SLIT3: variants seen among roughly 807,000 people sequenced by gnomAD.
The protein encoded by SLIT3 is slit guidance ligand 3.
A neutral mutation model predicts 184.0 loss-of-function variants in SLIT3; 68 were observed. The observed-to-expected ratio is 0.37, with a 90% confidence interval of 0.30 to 0.45. SLIT3 has a LOEUF of 0.45. Ranked by LOEUF, SLIT3 falls within the 20% of genes least tolerant of loss-of-function variation. The probability of loss-of-function intolerance (pLI) is 1.00; values close to 1 mark genes in which losing one functional copy is unlikely to be tolerated. For synonymous variants in SLIT3, 831 were observed against 828.6 expected (o/e 1.00, Z -0.05); for missense variants, 1,707 against 2,026.0 (o/e 0.84, Z 3.02).
intron 6 of SLIT3, among the ~76,000 whole-genome samples, chr5:168,841,902 C>T (rs563878467): frequency 6.6e-5 from 10 of 152,292 alleles, no homozygotes; most frequent in Admixed American, 6.5e-4. Context: ...TCTTAATTTG[C>T]AGACTTTTAA....
chr5:168,876,977 C>T (rs913237976), intron 5 of SLIT3, among the ~76,000 whole-genome samples: 7 of 152,144 alleles, frequency 4.6e-5, no homozygotes, highest in African/African-American at 1.7e-4. Context: ...AACGGGCCAT[C>T]GGCAAACACC....
intron 4 of SLIT3, among the ~76,000 whole-genome samples, chr5:169,115,390 G>T (rs558181922): frequency 6.6e-6 from 1 of 152,130 alleles, no homozygotes; most frequent in Admixed American, 6.5e-5. Flanking sequence ...GAGTTCCATG[G>T]TTTTCTCATT....
In SLIT3 at chr5:168,712,299, T is replaced by G; in HGVS notation, c.2539A>C (p.Thr847Pro). The G allele has an allele frequency of 1.2e-6, 2 of 1,613,986 alleles. No homozygotes were observed. The highest frequency in any genetic ancestry group is 1.7e-6 in the Non-Finnish European group (2 of 1,179,846). The change falls in exon 24 of 36, where the codon ACA becomes CCA. Residue 847 changes from threonine to proline, a missense_variant. Thr to Pro is a conservative substitution (Grantham distance 38). Coordinates refer to ENST00000519560, the MANE Select transcript of SLIT3 (RefSeq NM_003062.4). ...GCTACTTACAGATGGGAAAGAGATG[T>G]GAGGTCGTTGAAGGAGCCTTCAGGA... ...SVPEGSFNDL[T>P]SLSHLALGTN... is the part of the protein sequence containing the mutation.
intron 7 of SLIT3, among the ~76,000 whole-genome samples, chr5:168,818,437 G>A (rs1561949896): frequency 6.6e-6 from 1 of 152,104 alleles, no homozygotes; most frequent in Admixed American, 6.5e-5. Context: ...GGCAAACTAC[G>A]GATATTCCAG....
chr5:169,295,670 T>C (rs1488263624), intron 1 of SLIT3, among the ~76,000 whole-genome samples: 2 of 152,222 alleles, frequency 1.3e-5, no homozygotes, highest in East Asian at 1.9e-4. Context: ...ATAGCCCACA[T>C]TGCCAAGGCA....
intron 5 of SLIT3, among the ~76,000 whole-genome samples, chr5:168,861,465 T>C (rs1447124262): frequency 7.3e-6 from 1 of 136,380 alleles, no homozygotes; most frequent in African/African-American, 2.7e-5. Context: ...CTGGCTGCAG[T>C]AGAGGAATTG....
At position 169,300,782 on chromosome 5, in the gene SLIT3, G is replaced by C. The variant is rs1341972786; in HGVS notation, c.-73C>G. 1.6e-6 allele frequency: 2 copies of C among 1,239,460 alleles called. No homozygotes were observed. Among genetic ancestry groups the C allele is most frequent in the Non-Finnish European group, 2.0e-6 (2 of 993,130 alleles). 76.8% of individuals were successfully genotyped at this position (1,239,460 alleles called of 1,614,324 possible). A position where few individuals can be genotyped will look rare whatever the true frequency, so the allele number is the denominator to read the frequency against. On this transcript the variant is annotated 5_prime_UTR_variant, in exon 1 of 36. Transcript: ENST00000519560. This position sits in a 1 kb window ranked among gnomAD's most constrained non-coding sequence, Gnocchi z 4.1. ...ACGCGTGGAGCCCGAGGAGGCGCGC[G>C]GGGAGCGCGGGCGGCCTGGGGAGCG...
At chr5:168,754,300 T>C (rs936957686) in intron 16 of SLIT3, among the ~76,000 whole-genome samples, 1 of 152,150 alleles carries the variant, frequency 6.6e-6, no homozygotes. Flanking sequence ...TGGAAGACTA[T>C]TTGGCCATAA....
In SLIT3 at chr5:169,060,792, A is replaced by C. The variant is rs1425258556; in HGVS notation, c.413+132687T>G. ...TTGGGCTGAGTGGAGCAGTGTCCAT[A>C]CCGGGTCTGAGTCCACTTGAAGCTG... On this transcript the variant is annotated intron_variant, in intron 4 of 35. Transcript: ENST00000519560. Among the ~76,000 whole-genome samples the C allele has an allele frequency of 2.0e-5, 3 of 152,202 alleles. 1 individual carries two copies. The highest frequency in any genetic ancestry group is 2.0e-4 in the Admixed American group (3 of 15,284).
In SLIT3 at chr5:169,300,528, C is replaced by T. The variant is rs1767648537; in HGVS notation, c.182G>A (p.Arg61His). Residue 61 changes from arginine (R) to histidine (H), a missense_variant, in exon 1 of 36, where the codon CGC becomes CAC. Arg to His is a conservative substitution (Grantham distance 29, BLOSUM62 0). Transcript: ENST00000519560. The surrounding 1 kb of genome is among the most constrained non-coding windows in gnomAD (Gnocchi z 4.1). ...GLRAVPRGIPRNAERLDLDRN... is the reference protein window; with the variant it reads ...GLRAVPRGIPHNAERLDLDRN... ...GGGTACTCACAGGCGCTCAGCGTTGCGGGGGATGCCCCGAGGAACCGCGCG... is the reference window on the plus strand; with the variant it reads ...GGGTACTCACAGGCGCTCAGCGTTGTGGGGGATGCCCCGAGGAACCGCGCG... The T allele has an allele frequency of 2.0e-6, 3 of 1,505,834 alleles. No individual in the cohort carries two copies. Among genetic ancestry groups the T allele is most frequent in the South Asian group, 1.2e-5 (1 of 80,710 alleles). The allele number at this position is 1,505,834 out of a possible 1,614,324, so 93.3% of individuals were successfully genotyped here.
intron 4 of SLIT3, among the ~76,000 whole-genome samples, chr5:169,130,056 C>T (rs1319068306): frequency 2.0e-5 from 3 of 152,106 alleles, no homozygotes; most frequent in African/African-American, 4.8e-5. Context: ...ACCATTTTGG[C>T]GAGGCTGGTC....
intron 4 of SLIT3, among the ~76,000 whole-genome samples, chr5:168,984,402 T>C (rs1441853918): frequency 6.6e-6 from 1 of 152,156 alleles, no homozygotes; most frequent in Non-Finnish European, 1.5e-5. Flanking sequence ...CCCATCTGAA[T>C]TGCCCAAATT....
chr5:168,788,995 C>G (rs527794801), intron 11 of SLIT3, among the ~76,000 whole-genome samples: 2 of 152,168 alleles, frequency 1.3e-5, no homozygotes, highest in South Asian at 4.2e-4. Context: ...TTCCTGCCGG[C>G]AGGGGTCTTG....
chr5:169,140,491 A>G (rs1761688197), intron 4 of SLIT3, among the ~76,000 whole-genome samples: 1 of 116,138 alleles, frequency 8.6e-6, no homozygotes, highest in South Asian at 2.6e-4. Context: ...AAAAAAAAAA[A>G]AAAAAAAAAA....
intron 4 of SLIT3, among the ~76,000 whole-genome samples, chr5:169,140,678 T>C (rs1487728447): frequency 1.3e-5 from 2 of 151,976 alleles, no homozygotes; most frequent in African/African-American, 4.8e-5. Flanking sequence ...GCTGTGTGCC[T>C]GTAGCCCCAA....
intron 4 of SLIT3, among the ~76,000 whole-genome samples, chr5:168,984,191 AC>A (rs2113365539): frequency 6.6e-6 from 1 of 152,326 alleles, no homozygotes; most frequent in Admixed American, 6.5e-5. Context: ...TAATGATAGA[AC>A]TTTAGAAATT....
chr5:169,041,842 G>T (rs1327516548), intron 4 of SLIT3, among the ~76,000 whole-genome samples: 1 of 152,152 alleles, frequency 6.6e-6, no homozygotes, highest in Non-Finnish European at 1.5e-5. Flanking sequence ...TGTTAGACAA[G>T]ACCCTATTTC....
chr5:169,136,120 C>G (rs1326026140), intron 4 of SLIT3, among the ~76,000 whole-genome samples: 1 of 152,162 alleles, frequency 6.6e-6, no homozygotes, highest in Non-Finnish European at 1.5e-5. Context: ...CAAATAGGAG[C>G]TAGACTGGAC....
intron 1 of SLIT3, among the ~76,000 whole-genome samples, chr5:169,265,549 G>C (rs1362584654): frequency 6.6e-6 from 1 of 152,130 alleles, no homozygotes; most frequent in Non-Finnish European, 1.5e-5. Context: ...GCCAAACATA[G>C]CGCTTAAGGT....
Sources: allele counts gnomAD v4.1 joint callset (sites outside exome capture counted in the v4.1 genomes callset), GRCh38; gene constraint gnomAD v4.1.1; non-coding constraint Gnocchi (gnomAD v3.1); transcripts MANE v1.5; gene names NCBI Gene and HGNC (gene_info 2026-07-23, HGNC 2026-07-21).